SHB: variants seen among roughly 807,000 people sequenced by gnomAD.
SHB encodes the protein SH2 domain containing adaptor protein B.
SHB carries 20 observed loss-of-function variants against 52.3 expected under a neutral mutation model. That is an observed-to-expected ratio of 0.38 (90% CI 0.27 to 0.56). The LOEUF is 0.56. Among genes scored for constraint, SHB ranks in the 20% least tolerant of loss-of-function variants. SHB has a pLI of 0.71. For synonymous variants in SHB, 397 were observed against 316.5 expected (o/e 1.25, Z -2.70); for missense variants, 825 against 723.3 (o/e 1.14, Z -1.61).
chr9:38,026,228 T>C (rs59098173), intron 1 of SHB, among the ~76,000 whole-genome samples: 46,242 of 152,204 alleles, frequency 0.3, 7,252 homozygotes, highest in Middle Eastern at 0.41. Flanking sequence ...GCCAGGCCTC[T>C]GTGCCCCAGC....
In SHB at chr9:37,916,054, G is replaced by C. The variant is rs578003559; in HGVS notation, c.*3767C>G. ...GCAAACAGCCCCAAGGAGGGAGGTG[G>C]AAAGGCCAAGGGGCACCTGTGTTCC... On this transcript the variant is annotated 3_prime_UTR_variant, in exon 6 of 6. Coordinates refer to ENST00000377707, the MANE Select transcript of SHB (RefSeq NM_003028.3). 3.9e-4 allele frequency among the ~76,000 whole-genome samples: 60 copies of C among 152,296 alleles called. 1 individual carries two copies. Among genetic ancestry groups the C allele is most frequent in the Admixed American group, 2.1e-3 (32 of 15,298 alleles).
intron 2 of SHB, among the ~76,000 whole-genome samples, chr9:38,002,693 G>C (rs1821031735): frequency 6.6e-6 from 1 of 152,200 alleles, no homozygotes; most frequent in Non-Finnish European, 1.5e-5. Flanking sequence ...GATTTCCAGA[G>C]AGGGGAAAGG....
At position 38,068,193 on chromosome 9, in the gene SHB, G is replaced by A. The variant is rs1310468584; in HGVS notation, c.453C>T (p.Ser151=). 5.7e-6 allele frequency: 8 copies of A among 1,408,346 alleles called. No individual in the cohort carries two copies. The East Asian group carries it at 1.5e-4, about 26-fold the overall frequency. The allele number at this position is 1,408,346 out of a possible 1,614,324, so 87.2% of individuals were successfully genotyped here. The change falls in exon 1 of 6, where the codon TCC becomes TCT. Residue 151 remains serine, a synonymous_variant. Coordinates refer to ENST00000377707, the MANE Select transcript of SHB (RefSeq NM_003028.3). ...CASSGAGAAA[S]SSSSSGSPHL... ...GCGGAGAGCCGGAGGACGAGGACGA[G>A]GACGCGGCGGCCCCCGCGCCCGAGG...
chr9:37,918,673 T>C lies in SHB; in HGVS notation c.*1148A>G, dbSNP rs1386765684. Among the ~76,000 whole-genome samples, 2 of 152,166 alleles carry C rather than the reference T, an allele frequency of 1.3e-5. No homozygotes were observed. Among genetic ancestry groups the C allele is most frequent in the African/African-American group, 4.8e-5 (2 of 41,426 alleles). The stretch of plus-strand genomic sequence containing the variant: ...ACCGCTCTGCTGCTGGTGAGCTGTG[T>C]GGCTTTGGGCAAATGACGTTCCTTC... On this transcript the variant is annotated 3_prime_UTR_variant, in exon 6 of 6. Coordinates refer to ENST00000377707, the MANE Select transcript of SHB (RefSeq NM_003028.3).
chr9:37,954,426 A>G (rs1832604612), intron 4 of SHB, among the ~76,000 whole-genome samples: 1 of 151,030 alleles, frequency 6.6e-6, no homozygotes. Context: ...TTGTGGCCTC[A>G]TGTGTGCCTA....
chr9:37,974,727 T>C lies in SHB; in HGVS notation c.949A>G (p.Ser317Gly), dbSNP rs1268770001. The C allele has an allele frequency of 6.2e-7, 1 of 1,614,034 alleles. No homozygotes were observed. Among genetic ancestry groups the C allele is most frequent in the African/African-American group, 1.3e-5 (1 of 74,944 alleles). The change falls in exon 3 of 6, where the codon AGC becomes GGC. Residue 317 changes from serine (S) to glycine (G), a missense_variant. Ser to Gly is a moderately conservative substitution (Grantham distance 56). Coordinates refer to ENST00000377707, the MANE Select transcript of SHB (RefSeq NM_003028.3). ...SVDSDSESTV[S>G]PRLRESKLPQ... is the part of the protein sequence containing the mutation. Reference sequence around the variant, plus strand: ...AGCTTGCTCTCCCGCAGTCGGGGGCTGACTGTGCTCTCCGAGTCTGAGTCA... The same window carrying C: ...AGCTTGCTCTCCCGCAGTCGGGGGCCGACTGTGCTCTCCGAGTCTGAGTCA...
chr9:38,028,527 C>T (rs1821372963), intron 1 of SHB, among the ~76,000 whole-genome samples: 1 of 152,232 alleles, frequency 6.6e-6, no homozygotes, highest in South Asian at 2.1e-4. Context: ...GCCTCTAAAA[C>T]CAATCTCCTC....
intron 1 of SHB, among the ~76,000 whole-genome samples, chr9:38,021,429 GCAGATAACCTGAGGT>G (rs1278903009): frequency 1.3e-5 from 2 of 152,178 alleles, no homozygotes; most frequent in Non-Finnish European, 2.9e-5. Context: ...GCCGAGGTGG[GCAGATAACCTGAGGT>G]CAGATAACCC....
At chr9:37,968,251 A>T (rs766164035) in intron 3 of SHB, among the ~76,000 whole-genome samples, 1 of 152,250 alleles carries the variant, frequency 6.6e-6, no homozygotes, top group Non-Finnish European at 1.5e-5. Flanking sequence ...TAATCAACAC[A>T]GAGATCCAGT....
intron 2 of SHB, among the ~76,000 whole-genome samples, chr9:38,004,042 G>A (rs922231056): frequency 6.6e-6 from 1 of 152,184 alleles, no homozygotes; most frequent in African/African-American, 2.4e-5. Context: ...CCCATTGACT[G>A]CCTGCCCTGC....
At chr9:37,959,039 A>G (rs1008494372) in intron 3 of SHB, among the ~76,000 whole-genome samples, 10 of 152,152 alleles carry the variant, frequency 6.6e-5, no homozygotes, top group African/African-American at 2.4e-4. Context: ...AGATGGGGAT[A>G]ATCAGAGAAT....
chr9:38,054,786 G>C (rs1255377959), intron 1 of SHB, among the ~76,000 whole-genome samples: 1 of 152,174 alleles, frequency 6.6e-6, no homozygotes, highest in African/African-American at 2.4e-5. Context: ...CAACCAACGA[G>C]TTCCTGTGAA....
At chr9:38,004,747 C>T (rs945468612) in intron 2 of SHB, among the ~76,000 whole-genome samples, 2 of 152,224 alleles carry the variant, frequency 1.3e-5, no homozygotes, top group African/African-American at 4.8e-5. Flanking sequence ...CACATGAGTG[C>T]ATGTGCCAGC....
chr9:38,015,838 CAT>C (rs1821203053), intron 2 of SHB, among the ~76,000 whole-genome samples, 171 bp downstream of exon 2: 2 of 152,292 alleles, frequency 1.3e-5, no homozygotes, highest in South Asian at 4.1e-4. Context: ...ATAGGTGAAA[CAT>C]AAGCAGGTAA....
At chr9:38,051,958 AC>A (rs1821756436) in intron 1 of SHB, among the ~76,000 whole-genome samples, 2 of 152,212 alleles carry the variant, frequency 1.3e-5, no homozygotes, top group African/African-American at 4.8e-5. Flanking sequence ...CCCTGCAAGG[AC>A]GTCCTCTGAA....
chr9:38,018,951 T>C (rs960489510), intron 1 of SHB, among the ~76,000 whole-genome samples: 1 of 152,248 alleles, frequency 6.6e-6, no homozygotes, highest in Non-Finnish European at 1.5e-5. Flanking sequence ...GGATTGCTTT[T>C]GCTTTGCTTT....
chr9:37,941,281 T>C (rs1475356751), intron 5 of SHB, among the ~76,000 whole-genome samples: 3 of 152,238 alleles, frequency 2.0e-5, no homozygotes, highest in East Asian at 1.9e-4. Flanking sequence ...GAGCTACCAC[T>C]GATAGAGCAC....
chr9:38,041,188 C>A (rs762956967), intron 1 of SHB, among the ~76,000 whole-genome samples: 2 of 152,228 alleles, frequency 1.3e-5, no homozygotes, highest in African/African-American at 2.4e-5. Context: ...CCCCTTCATG[C>A]CTGATACCCA....
intron 4 of SHB, among the ~76,000 whole-genome samples, chr9:37,950,056 A>C (rs1832546846): frequency 6.6e-6 from 1 of 152,078 alleles, no homozygotes; most frequent in Non-Finnish European, 1.5e-5. Context: ...CCCAACCCCC[A>C]GCCTCCAGAG....
Sources: allele counts gnomAD v4.1 joint callset (sites outside exome capture counted in the v4.1 genomes callset), GRCh38; gene constraint gnomAD v4.1.1; transcripts MANE v1.5; gene names NCBI Gene and HGNC (gene_info 2026-07-23, HGNC 2026-07-21).